Variants in STIM1 observed in about 807,000 individuals in gnomAD.
STIM1 encodes the protein stromal interaction molecule 1.
A neutral mutation model predicts 74.7 loss-of-function variants in STIM1; 25 were observed. That is an observed-to-expected ratio of 0.33 (90% CI 0.24 to 0.47). The LOEUF is 0.47. Ranked by LOEUF, STIM1 falls within the 20% of genes least tolerant of loss-of-function variation. The probability of loss-of-function intolerance (pLI) is 1.00; values close to 1 mark genes in which losing one functional copy is unlikely to be tolerated. For synonymous variants in STIM1, 328 were observed against 348.8 expected, an observed-to-expected ratio of 0.94 and a Z score of 0.66; for missense variants, 728 against 920.8, an observed-to-expected ratio of 0.79 and a Z score of 2.71.
chr11:3,923,747 G>A (rs1341517731), intron 1 of STIM1, among the ~76,000 whole-genome samples: 1 of 151,964 alleles, frequency 6.6e-6, no homozygotes, highest in African/African-American at 2.4e-5. Context: ...ACCACACTGT[G>A]CTAATTTTTA....
chr11:3,893,281 C>A (rs1029520768), intron 1 of STIM1, among the ~76,000 whole-genome samples: 50 of 151,894 alleles, frequency 3.3e-4, no homozygotes, highest in African/African-American at 1.2e-3. Flanking sequence ...CAGGGATGCT[C>A]AGTAAATATT....
At chr11:4,015,628 C>CT (rs1330088505) in intron 2 of STIM1, among the ~76,000 whole-genome samples, 1 of 152,186 alleles carries the variant, frequency 6.6e-6, no homozygotes, top group East Asian at 1.9e-4. Flanking sequence ...GGATAATATC[C>CT]TGAAGAGTGT....
At chr11:3,990,970 C>G (rs1300290036) in intron 2 of STIM1, among the ~76,000 whole-genome samples, 1 of 152,112 alleles carries the variant, frequency 6.6e-6, no homozygotes, top group Non-Finnish European at 1.5e-5. Context: ...ATCCCCACTC[C>G]TTTTGGAGAT....
intron 2 of STIM1, among the ~76,000 whole-genome samples, chr11:4,002,350 C>T (rs1449336485): frequency 6.7e-6 from 1 of 148,780 alleles, no homozygotes; most frequent in South Asian, 2.1e-4. Flanking sequence ...AAGCACTCCT[C>T]AGCAAATGTA....
At chr11:4,063,838 C>T (rs1314733992) in intron 5 of STIM1, among the ~76,000 whole-genome samples, 1 of 152,146 alleles carries the variant, frequency 6.6e-6, no homozygotes, top group Non-Finnish European at 1.5e-5. Flanking sequence ...TCAGGAGATT[C>T]CTCCCTACAG....
At chr11:4,045,018 G>C (rs2094179196) in intron 3 of STIM1, among the ~76,000 whole-genome samples, 1 of 152,196 alleles carries the variant, frequency 6.6e-6, no homozygotes, top group South Asian at 2.1e-4. Flanking sequence ...CAGAGGCTCA[G>C]AAACTCTGGT....
intron 2 of STIM1, among the ~76,000 whole-genome samples, chr11:3,998,398 C>T (rs2093681755): frequency 6.6e-6 from 1 of 152,116 alleles, no homozygotes; most frequent in African/African-American, 2.4e-5. Flanking sequence ...AATTTGGGGA[C>T]CTTTTTCTTT....
At chr11:3,989,578 TC>T in intron 2 of STIM1, 2 of 489,012 alleles carry the variant, frequency 4.1e-6, no homozygotes, top group South Asian at 1.8e-5. Context: ...GCTGCTGAGA[TC>T]CCCAGAAGGG....
chr11:3,863,041 C>T lies in STIM1; in HGVS notation c.139+6632C>T, dbSNP rs184629389. ...CCAAGTAGCTGGGATTACAGGTGCC[C>T]GCCACCACACCTGGCTAATTTTTGT... On this transcript the variant is annotated intron_variant, in intron 1 of 12. Coordinates refer to ENST00000526596, the MANE Select transcript of STIM1 (RefSeq NM_001382567.1). Among the ~76,000 whole-genome samples the T allele has an allele frequency of 1.3e-4, 20 of 149,478 alleles. No individual in the cohort carries two copies. The East Asian group carries it at 2.6e-3, about 20-fold the overall frequency.
At chr11:4,070,442 G>A (rs185018342) in intron 6 of STIM1, among the ~76,000 whole-genome samples, 1 of 152,350 alleles carries the variant, frequency 6.6e-6, no homozygotes, top group Admixed American at 6.5e-5. Flanking sequence ...TTCAGAGGGA[G>A]AAATGTGTAG....
intron 5 of STIM1, among the ~76,000 whole-genome samples, chr11:4,066,116 C>T (rs1230544480): frequency 2.0e-5 from 3 of 152,174 alleles, no homozygotes; most frequent in Non-Finnish European, 2.9e-5. Flanking sequence ...TTGCTAAAAT[C>T]TAATTGCAGC....
intron 2 of STIM1, among the ~76,000 whole-genome samples, chr11:4,002,385 G>A (rs1002876507): frequency 6.6e-6 from 1 of 152,132 alleles, no homozygotes; most frequent in Non-Finnish European, 1.5e-5. Context: ...ATAACAAACT[G>A]TCTCTCAGAC....
chr11:3,892,913 G>T, intron 1 of STIM1: 1 of 1,295,178 alleles, frequency 7.7e-7, no homozygotes, highest in Non-Finnish European at 1.1e-6. Context: ...GCTCCCGGCA[G>T]CAGCAGCATC....
intron 1 of STIM1, among the ~76,000 whole-genome samples, chr11:3,959,230 A>G (rs944680053): frequency 6.6e-6 from 1 of 152,086 alleles, no homozygotes; most frequent in Non-Finnish European, 1.5e-5. Context: ...CTTCTTACTG[A>G]TGGGGCCCCT....
At chr11:4,004,270 A>T (rs1227204972) in intron 2 of STIM1, among the ~76,000 whole-genome samples, 1 of 152,198 alleles carries the variant, frequency 6.6e-6, no homozygotes, top group African/African-American at 2.4e-5. Flanking sequence ...AAGAGCCCAC[A>T]TCGCCAAGTC....
At chr11:3,980,610 TAAAA>T (rs34722747) in intron 2 of STIM1, among the ~76,000 whole-genome samples, 1 of 126,464 alleles carries the variant, frequency 7.9e-6, no homozygotes, top group Non-Finnish European at 1.6e-5. Context: ...CCCATCTCTT[TAAAA>T]AAAAAAAAAA....
At chr11:4,064,741 T>C (rs2094354420) in intron 5 of STIM1, among the ~76,000 whole-genome samples, 1 of 152,174 alleles carries the variant, frequency 6.6e-6, no homozygotes, top group Non-Finnish European at 1.5e-5. Context: ...AGGTCCATTT[T>C]CTGACAGTAG....
intron 8 of STIM1, 41 bp from the exon 9 acceptor site, chr11:4,082,841 G>A (rs765627933): frequency 3.8e-6 from 6 of 1,565,620 alleles, no homozygotes; most frequent in Non-Finnish European, 4.4e-6. Flanking sequence ...TTCCATTCTC[G>A]AATCCCTGCT....
intron 3 of STIM1, among the ~76,000 whole-genome samples, chr11:4,036,751 A>G (rs2094106392): frequency 6.6e-6 from 1 of 152,160 alleles, no homozygotes; most frequent in East Asian, 1.9e-4. Context: ...GACTCTGGAT[A>G]TTAGACCTTT....
Sources: gnomAD v4.1 joint callset for allele counts (sites outside exome capture counted in the v4.1 genomes callset) on GRCh38, gnomAD v4.1.1 for gene constraint, MANE v1.5 for transcripts, NCBI Gene and HGNC (gene_info 2026-07-23, HGNC 2026-07-21) for gene names.